SLC30A4: variants seen among roughly 807,000 people sequenced by gnomAD.
The protein encoded by SLC30A4 is solute carrier family 30 member 4.
Under a neutral mutation model 41.7 loss-of-function variants are expected in SLC30A4, and 20 were observed. That is an observed-to-expected ratio of 0.48 (90% confidence interval 0.34 to 0.70). SLC30A4 has a LOEUF of 0.70. SLC30A4 is among the 30% of genes least tolerant of loss of function. SLC30A4 has a pLI of 0.01. For synonymous variants in SLC30A4, 181 were observed against 195.9 expected (o/e 0.92, Z 0.64); for missense variants, 441 against 529.3 (o/e 0.83, Z 1.64).
chr15:45,518,849 C>A (rs1038529371), intron 2 of SLC30A4, among the ~76,000 whole-genome samples: 1 of 152,252 alleles, frequency 6.6e-6, no homozygotes, highest in South Asian at 2.1e-4. Context: ...TGAGCCACTG[C>A]ACCCAGCCAA....
chr15:45,495,504 G>A lies in SLC30A4; in HGVS notation c.539-4623C>T, dbSNP rs1175358433. Among the ~76,000 whole-genome samples, 4 of 152,136 alleles carry A rather than the reference G, an allele frequency of 2.6e-5. No individual in the cohort carries two copies. In the South Asian group the frequency reaches 6.2e-4, roughly 24 times the overall value. ...ATTTTTTAGTGTAAGTATGTCCTAC[G>A]CAGTATTTCAGATATATTAGGCATC... On this transcript the variant is annotated intron_variant, in intron 3 of 7. Transcript: ENST00000261867.
intron 2 of SLC30A4, among the ~76,000 whole-genome samples, chr15:45,520,247 C>CTTAT (rs753757048): frequency 1.3e-5 from 2 of 151,228 alleles, no homozygotes; most frequent in East Asian, 1.9e-4. Flanking sequence ...ATTTTTATTA[C>CTTAT]TTATTTATTT....
chr15:45,484,268 G>A lies in SLC30A4; in HGVS notation c.*895C>T, dbSNP rs1413559503. The A allele has an allele frequency of 6.6e-6, 1 of 152,246 alleles. No homozygotes were observed. The highest frequency in any genetic ancestry group is 2.4e-5 in the African/African-American group (1 of 41,444). 9.4% of individuals were successfully genotyped at this position (152,246 alleles called of 1,614,324 possible). On this transcript the variant is annotated 3_prime_UTR_variant, in exon 8 of 8. Coordinates refer to ENST00000261867, the MANE Select transcript of SLC30A4 (RefSeq NM_013309.6). ...GTTGGCAGTTCTTAAAGGGACAGAA[G>A]ATTACTGTTTACATTTTGCAGTCTC...
rs537398969 is a variant in SLC30A4 at position 45,499,285 on chromosome 15, G to A, written c.539-8404C>T. On this transcript the variant is annotated intron_variant, in intron 3 of 7. Transcript: ENST00000261867. Reference sequence around the variant, plus strand: ...GACGGGGTTTCACCATGTTAGCCAGGATGGTCTCAATCTCCTGACCTCGTG... The same window carrying A: ...GACGGGGTTTCACCATGTTAGCCAGAATGGTCTCAATCTCCTGACCTCGTG... 2.8e-4 allele frequency among the ~76,000 whole-genome samples: 42 copies of A among 152,092 alleles called. 1 individual carries two copies. In the East Asian group the frequency reaches 6.8e-3, roughly 25 times the overall value.
chr15:45,493,279 C>A (rs1018024026), intron 3 of SLC30A4, among the ~76,000 whole-genome samples: 3 of 151,970 alleles, frequency 2.0e-5, no homozygotes, highest in African/African-American at 7.3e-5. Context: ...ATGAAACAAG[C>A]GTTAACCCTC....
At chr15:45,510,007 G>A (rs1032854868) in intron 3 of SLC30A4, among the ~76,000 whole-genome samples, 1 of 152,188 alleles carries the variant, frequency 6.6e-6, no homozygotes, top group Non-Finnish European at 1.5e-5. Context: ...GGAAGGTGGA[G>A]GTTGTAGTGA....
intron 3 of SLC30A4, among the ~76,000 whole-genome samples, chr15:45,492,869 C>T (rs1473671302): frequency 6.6e-6 from 1 of 152,124 alleles, no homozygotes; most frequent in African/African-American, 2.4e-5. Context: ...CAGGGATGAC[C>T]TTGCCCTATA....
At position 45,509,417 on chromosome 15, in the gene SLC30A4, C is replaced by A. The variant is rs538844214; in HGVS notation, c.538+1721G>T. On this transcript the variant is annotated intron_variant, in intron 3 of 7. Transcript: ENST00000261867. ...TACAGGCGTGCACCACCATGCCCAG[C>A]TAATTTCTGTATTTTTAGTAGATAT... Among the ~76,000 whole-genome samples, 6 of 152,106 alleles carry A rather than the reference C, an allele frequency of 3.9e-5. No individual in the cohort carries two copies. The South Asian group carries it at 1.2e-3, about 32-fold the overall frequency.
chr15:45,497,791 C>A (rs1891937896), intron 3 of SLC30A4, among the ~76,000 whole-genome samples: 1 of 152,138 alleles, frequency 6.6e-6, no homozygotes, highest in Non-Finnish European at 1.5e-5. Context: ...CTGTTATTTT[C>A]CATCAAGTAC....
intron 2 of SLC30A4, among the ~76,000 whole-genome samples, chr15:45,514,449 G>A (rs977470429): frequency 2.7e-5 from 4 of 150,372 alleles, no homozygotes; most frequent in South Asian, 2.1e-4. Flanking sequence ...TGATGATTTC[G>A]TAGCCTTTGC....
intron 6 of SLC30A4, 119 bp downstream of exon 6, chr15:45,487,408 A>G (rs1214076302): frequency 1.8e-6 from 1 of 551,404 alleles, no homozygotes; most frequent in Non-Finnish European, 3.3e-6. Flanking sequence ...GTACTGTTAT[A>G]TAGCCTAAAA....
In SLC30A4 at chr15:45,499,132, T is replaced by G. The variant is rs180744431; in HGVS notation, c.539-8251A>C. ...GAGTCTCACTCTGTCACTCAGGCTG[T>G]AGTGCAGTGGCACCATCTCAGCTCT... On this transcript the variant is annotated intron_variant, in intron 3 of 7. Coordinates refer to ENST00000261867, the MANE Select transcript of SLC30A4 (RefSeq NM_013309.6). Among the ~76,000 whole-genome samples the G allele has an allele frequency of 8.1e-4, 122 of 151,042 alleles. 1 individual carries two copies. The highest frequency in any genetic ancestry group is 2.5e-3 in the African/African-American group (104 of 41,050).
chr15:45,491,899 A>G (rs1197344101), intron 3 of SLC30A4, among the ~76,000 whole-genome samples: 1 of 152,052 alleles, frequency 6.6e-6, no homozygotes, highest in Non-Finnish European at 1.5e-5. Flanking sequence ...ATAAACAGAA[A>G]TGGCCAAATT....
At chr15:45,520,410 C>T (rs560404293) in intron 2 of SLC30A4, among the ~76,000 whole-genome samples, 66 of 152,160 alleles carry the variant, frequency 4.3e-4, no homozygotes, top group Middle Eastern at 6.8e-3. Context: ...GCTGGGATTA[C>T]AGGCGCCCAC....
intron 4 of SLC30A4, among the ~76,000 whole-genome samples, chr15:45,489,439 C>G (rs144265686): frequency 3.3e-5 from 5 of 151,396 alleles, no homozygotes; most frequent in Non-Finnish European, 5.9e-5. Flanking sequence ...GTGTTCTAGG[C>G]GGAAGAATAG....
rs1035173309 is a variant in SLC30A4, at chr15:45,507,419, C to T, written c.538+3719G>A. ...ATTTCTTGTATTTATTTTTCCAAAA[C>T]ATTTTACTGTTTTATTATTCTGAGC... On this transcript the variant is annotated intron_variant, in intron 3 of 7. Transcript: ENST00000261867. 1.6e-4 allele frequency among the ~76,000 whole-genome samples: 24 copies of T among 151,174 alleles called. No individual in the cohort carries two copies. In the South Asian group the frequency reaches 4.8e-3, roughly 30 times the overall value.
intron 2 of SLC30A4, among the ~76,000 whole-genome samples, chr15:45,518,465 T>C (rs2140862291): frequency 1.3e-5 from 2 of 152,302 alleles, no homozygotes; most frequent in Middle Eastern, 6.8e-3. Context: ...CAAAATACAC[T>C]TCCAAAGAGA....
At chr15:45,516,330 T>A (rs963190282) in intron 2 of SLC30A4, among the ~76,000 whole-genome samples, 1 of 152,202 alleles carries the variant, frequency 6.6e-6, no homozygotes, top group Non-Finnish European at 1.5e-5. Context: ...TGGGATTTTG[T>A]GTTTTAACAA....
Position 45,480,030 on chromosome 15 carries a change from T to A in SLC30A4, c.*5133A>T, listed in dbSNP as rs1891581000. ...TATTTATTGAGAGAAGCATAAACTT[T>A]CCAAATATACAGTATCTTCCAGGTA... On this transcript the variant is annotated 3_prime_UTR_variant, in exon 8 of 8. Transcript: ENST00000261867. The A allele has an allele frequency of 6.6e-6, 1 of 152,196 alleles. No individual in the cohort carries two copies. 9.4% of individuals were successfully genotyped at this position (152,196 alleles called of 1,614,324 possible).
Sources: allele counts gnomAD v4.1 joint callset (sites outside exome capture counted in the v4.1 genomes callset), GRCh38; gene constraint gnomAD v4.1.1; transcripts MANE v1.5; gene names NCBI Gene and HGNC (gene_info 2026-07-23, HGNC 2026-07-21).